ROBO2: variants seen among roughly 807,000 people sequenced by gnomAD.
ROBO2 encodes roundabout homolog 2.
In ROBO2, 53 loss-of-function variants were observed where a neutral mutation model predicts 160.8. The ratio of observed to expected loss-of-function variants is 0.33; its 90% confidence interval spans 0.26 to 0.41. ROBO2 has a LOEUF of 0.41. Ranked by LOEUF, ROBO2 falls within the 10% of genes least tolerant of loss-of-function variation. The probability of loss-of-function intolerance (pLI) is 1.00; values close to 1 mark genes in which losing one functional copy is unlikely to be tolerated. For missense variants in ROBO2, 1,577 were observed against 1,722.4 expected (o/e 0.92, Z 1.49); for synonymous variants, 664 against 611.7 (o/e 1.09, Z -1.26).
At chr3:76,537,000 A>G (rs1043596470) in intron 2 of ROBO2, among the ~76,000 whole-genome samples, 2 of 151,934 alleles carry the variant, frequency 1.3e-5, no homozygotes, top group African/African-American at 2.4e-5. Flanking sequence ...GAGCGTGAGG[A>G]AGGGAGGTGA....
chr3:76,907,733 A>C (rs2075697254), intron 2 of ROBO2, among the ~76,000 whole-genome samples: 1 of 152,124 alleles, frequency 6.6e-6, no homozygotes, highest in African/African-American at 2.4e-5. Context: ...ACTGTAATGG[A>C]GAAATCTAAT....
chr3:77,531,211 T>C (rs570824917), intron 6 of ROBO2, among the ~76,000 whole-genome samples: 2 of 152,158 alleles, frequency 1.3e-5, no homozygotes, highest in African/African-American at 4.8e-5. Flanking sequence ...AATTCACAAC[T>C]TGATGGAAAC....
chr3:77,370,211 T>C (rs2071532752), intron 2 of ROBO2, among the ~76,000 whole-genome samples: 1 of 152,228 alleles, frequency 6.6e-6, no homozygotes, highest in Admixed American at 6.5e-5. Context: ...GTTGTGGTTC[T>C]TGATCTAGAT....
chr3:77,246,908 T>C (rs1286992112), intron 2 of ROBO2, among the ~76,000 whole-genome samples: 2 of 152,198 alleles, frequency 1.3e-5, no homozygotes, highest in Non-Finnish European at 2.9e-5. Flanking sequence ...ATTTATTGGC[T>C]ATTTGATTTA....
At chr3:76,871,757 A>G (rs549800164) in intron 2 of ROBO2, among the ~76,000 whole-genome samples, 2 of 152,150 alleles carry the variant, frequency 1.3e-5, no homozygotes, top group African/African-American at 4.8e-5. Context: ...ATGGCAGCCA[A>G]CTTTTTCATG....
chr3:77,240,152 G>A (rs969656607), intron 2 of ROBO2, among the ~76,000 whole-genome samples: 10 of 152,268 alleles, frequency 6.6e-5, no homozygotes, highest in East Asian at 3.9e-4. Flanking sequence ...GGCGGCGCCC[G>A]TCGGGGAGGC....
chr3:75,978,882 A>T (rs2065201896), intron 2 of ROBO2, among the ~76,000 whole-genome samples: 1 of 151,532 alleles, frequency 6.6e-6, no homozygotes, highest in Admixed American at 6.6e-5. Flanking sequence ...TACATGTAGG[A>T]TGGGGCATGA....
intron 2 of ROBO2, among the ~76,000 whole-genome samples, chr3:76,987,258 T>C (rs2060429983): frequency 6.6e-6 from 1 of 152,234 alleles, no homozygotes; most frequent in Admixed American, 6.5e-5. Flanking sequence ...TTTAATACAC[T>C]GCCCTCTAGA....
intron 2 of ROBO2, among the ~76,000 whole-genome samples, chr3:76,387,133 C>G (rs1178761657): frequency 2.6e-5 from 4 of 152,130 alleles, no homozygotes; most frequent in Admixed American, 6.5e-5. Context: ...CCTCACATGG[C>G]AGGGTCGAGG....
chr3:77,453,006 A>G (rs1242633759), intron 2 of ROBO2, among the ~76,000 whole-genome samples: 1 of 152,134 alleles, frequency 6.6e-6, no homozygotes. Context: ...GTCTTCAGCT[A>G]CTACATGGCT....
At chr3:76,406,682 T>G (rs2078142826) in intron 2 of ROBO2, among the ~76,000 whole-genome samples, 1 of 151,898 alleles carries the variant, frequency 6.6e-6, no homozygotes, top group Non-Finnish European at 1.5e-5. Context: ...AAAGATATTT[T>G]CTTTATTCTA....
intron 2 of ROBO2, among the ~76,000 whole-genome samples, chr3:76,468,675 C>A (rs2078485836): frequency 2.0e-5 from 3 of 151,046 alleles, no homozygotes; most frequent in Admixed American, 1.3e-4. Context: ...TAGATAACAC[C>A]CTCCTCCCTG....
At chr3:77,565,071 C>T (rs1559624341) in exon 12 of ROBO2, 2 of 1,613,746 alleles carry the variant, frequency 1.2e-6, no homozygotes, top group East Asian at 2.2e-5. Context: ...CGATCAACCC[C>T]CAAGGTCTCA....
chr3:77,134,952 C>T (rs567662388), intron 2 of ROBO2, among the ~76,000 whole-genome samples: 12 of 152,286 alleles, frequency 7.9e-5, no homozygotes, highest in South Asian at 4.1e-4. Flanking sequence ...CCCGGGCCCA[C>T]CCCCCGTTTG....
At chr3:76,870,765 G>T (rs2071951280) in intron 2 of ROBO2, among the ~76,000 whole-genome samples, 3 of 151,462 alleles carry the variant, frequency 2.0e-5, no homozygotes, top group African/African-American at 7.3e-5. Flanking sequence ...CTTTTTTGGT[G>T]AAGTGGTAAA....
Position 75,929,075 on chromosome 3 carries a change from C to CATGT in ROBO2, c.-13-8406_-13-8405insATGT, listed in dbSNP as rs59675454. ...ACATGAGATCTGCAGCTGGATAAGA[C>CATGT]GTGTGTGTGTGTGTGGAGGGGGGGT... On this transcript the variant is annotated intron_variant, in intron 1 of 26. Transcript: ENST00000487694. 2.2e-3 allele frequency among the ~76,000 whole-genome samples: 229 copies of CATGT among 103,626 alleles called. 19 individuals carry two copies. The highest frequency in any genetic ancestry group is 2.9e-3 in the Non-Finnish European group (155 of 53,274). 68.0% of individuals were successfully genotyped at this position (103,626 alleles called of 152,430 possible).
chr3:77,530,680 G>T (rs1436557366), intron 6 of ROBO2, among the ~76,000 whole-genome samples: 3 of 151,874 alleles, frequency 2.0e-5, no homozygotes, highest in Non-Finnish European at 4.4e-5. Flanking sequence ...ATATTTGCTG[G>T]TTGCCACAAA....
intron 2 of ROBO2, among the ~76,000 whole-genome samples, chr3:76,022,711 T>C (rs1246558087): frequency 1.3e-5 from 2 of 151,700 alleles, no homozygotes; most frequent in African/African-American, 2.4e-5. Flanking sequence ...CTTTGCTCCA[T>C]TTATAGAGTA....
chr3:76,096,776 C>G (rs1466327182), intron 2 of ROBO2, among the ~76,000 whole-genome samples: 1 of 152,128 alleles, frequency 6.6e-6, no homozygotes, highest in Admixed American at 6.6e-5. Flanking sequence ...TAAACTGAAA[C>G]ATAATCATTT....
Sources: allele counts gnomAD v4.1 joint callset (sites outside exome capture counted in the v4.1 genomes callset), GRCh38; gene constraint gnomAD v4.1.1; transcripts MANE v1.5; gene names NCBI Gene and HGNC (gene_info 2026-07-23, HGNC 2026-07-21).